CFAP107: variants seen among roughly 807,000 people sequenced by gnomAD.
The protein encoded by CFAP107 is cilia- and flagella-associated protein 107.
At chr1:12,756,043 C>A in the CFAP107 span, among the ~76,000 whole-genome samples, 1 of 152,212 alleles carries the variant, frequency 6.6e-6, no homozygotes, top group Non-Finnish European at 1.5e-5. Context: ...TATATCCCAG[C>A]ACCTGGATCA....
the CFAP107 span, among the ~76,000 whole-genome samples, chr1:12,755,502 T>C: frequency 1.3e-5 from 2 of 151,946 alleles, no homozygotes; most frequent in East Asian, 1.9e-4. Context: ...GGGGAGCCAA[T>C]GACAGCTCTT....
chr1:12,752,555 T>C, the CFAP107 span, among the ~76,000 whole-genome samples: 1 of 46,664 alleles, frequency 2.1e-5, no homozygotes, highest in South Asian at 8.6e-4. Context: ...CGACTCTGTC[T>C]AAAAAAAAAA....
At chr1:12,750,767 C>T in the CFAP107 span, among the ~76,000 whole-genome samples, 12 of 151,720 alleles carry the variant, frequency 7.9e-5, no homozygotes, top group Non-Finnish European at 1.8e-4. Context: ...ATAGATGGCT[C>T]TACAGTAATA....
the CFAP107 span, chr1:12,762,835 A>G: frequency 1.3e-5 from 2 of 152,630 alleles, no homozygotes; most frequent in African/African-American, 4.8e-5. Flanking sequence ...AGGGGCGTCT[A>G]ATCTTTTGGC....
chr1:12,759,311 G>A, the CFAP107 span: 4 of 1,613,332 alleles, frequency 2.5e-6, no homozygotes, highest in Admixed American at 1.7e-5. Flanking sequence ...TCCTTCCAGG[G>A]GCTACCTTAC....
the CFAP107 span, among the ~76,000 whole-genome samples, chr1:12,751,382 T>A: frequency 1.3e-5 from 2 of 152,144 alleles, no homozygotes; most frequent in Non-Finnish European, 2.9e-5. Context: ...ATCCCAGCAC[T>A]TTGGGAGGCC....
the CFAP107 span, chr1:12,761,299 G>T: frequency 5.0e-6 from 1 of 198,050 alleles, no homozygotes; most frequent in African/African-American, 2.3e-5. Flanking sequence ...ACTTGCTGAA[G>T]AGTCTACTCC....
chr1:12,754,512 T>C, the CFAP107 span, among the ~76,000 whole-genome samples: 2 of 152,232 alleles, frequency 1.3e-5, no homozygotes, highest in African/African-American at 2.4e-5. Flanking sequence ...TCTGGTTGTA[T>C]GCCTAAAAGA....
chr1:12,755,083 G>A, the CFAP107 span, among the ~76,000 whole-genome samples: 1 of 152,146 alleles, frequency 6.6e-6, no homozygotes, highest in African/African-American at 2.4e-5. Context: ...AAAGGTGAGA[G>A]AGTTGGAAAG....
chr1:12,752,414 G>A, the CFAP107 span, among the ~76,000 whole-genome samples: 1 of 151,410 alleles, frequency 6.6e-6, no homozygotes, highest in African/African-American at 2.4e-5. Flanking sequence ...ATGAAACCTT[G>A]TCCCTACAAA....
the CFAP107 span, chr1:12,746,614 C>T: frequency 1.3e-5 from 14 of 1,119,080 alleles, no homozygotes; most frequent in South Asian, 7.6e-5. Context: ...AAGTTCATCA[C>T]TATTTTCAAA....
At chr1:12,751,060 G>C in the CFAP107 span, among the ~76,000 whole-genome samples, 1 of 151,708 alleles carries the variant, frequency 6.6e-6, no homozygotes, top group Non-Finnish European at 1.5e-5. Flanking sequence ...AATCAGTAAA[G>C]AGAAAAATCA....
chr1:12,749,883 A>G, the CFAP107 span, among the ~76,000 whole-genome samples: 2 of 152,244 alleles, frequency 1.3e-5, no homozygotes, highest in African/African-American at 2.4e-5. Context: ...ACAAAAGGAC[A>G]TTAGACAGTA....
the CFAP107 span, among the ~76,000 whole-genome samples, chr1:12,752,772 A>C: frequency 1.3e-5 from 2 of 152,100 alleles, no homozygotes; most frequent in Non-Finnish European, 2.9e-5. Flanking sequence ...CCAATGGTGA[A>C]AGATTGAAAG....
At chr1:12,752,063 T>C in the CFAP107 span, among the ~76,000 whole-genome samples, 299 of 152,300 alleles carry the variant, frequency 2.0e-3, no homozygotes, top group Non-Finnish European at 3.2e-3. Context: ...CCTTCTCAAA[T>C]GCTTCCAGAA....
At chr1:12,754,554 A>G in the CFAP107 span, among the ~76,000 whole-genome samples, 68 of 152,372 alleles carry the variant, frequency 4.5e-4, no homozygotes, top group African/African-American at 1.5e-3. Context: ...AGATATTTGT[A>G]CATTCACATT....
chr1:12,761,124 C>G, the CFAP107 span: 1 of 589,582 alleles, frequency 1.7e-6, no homozygotes, highest in Non-Finnish European at 2.9e-6. Context: ...TCAAAACCCA[C>G]AGGTTCCTTT....
At chr1:12,746,317 C>G in the CFAP107 span, 1 of 710,950 alleles carries the variant, frequency 1.4e-6, no homozygotes, top group Non-Finnish European at 2.4e-6. Context: ...TTCAGGAGGC[C>G]AGCTGGGAAG....
the CFAP107 span, chr1:12,762,465 C>G: frequency 1.3e-5 from 2 of 151,722 alleles, no homozygotes. Context: ...AACTGAAAGT[C>G]AGAGCCTGAC....
Sources: gnomAD v4.1 joint callset for allele counts (sites outside exome capture counted in the v4.1 genomes callset) on GRCh38, gnomAD v4.1.1 for gene constraint, MANE v1.5 for transcripts, NCBI Gene and HGNC (gene_info 2026-07-23, HGNC 2026-07-21) for gene names.